The following AOX1 variants were observed in gnomAD, a reference collection of about 807,000 sequenced individuals.
AOX1 encodes the protein aldehyde oxidase 1.
A neutral mutation model predicts 169.5 loss-of-function variants in AOX1; 153 were observed. That is an observed-to-expected ratio of 0.90 (90% confidence interval 0.79 to 1.03). AOX1 has a LOEUF of 1.03. AOX1 is among the 50% of genes least tolerant of loss of function. AOX1 has a pLI of 0.00. For missense variants in AOX1, 1,656 were observed against 1,663.9 expected (o/e 1.00, Z 0.08); for synonymous variants, 562 against 581.9 (o/e 0.97, Z 0.49).
At chr2:200,680,007 A>C (rs1184681316), downstream of AOX1, among the ~76,000 whole-genome samples, 1 of 152,166 alleles carries the variant, frequency 6.6e-6, no homozygotes, top group Middle Eastern at 3.2e-3. Flanking sequence ...CAAGCCCAAG[A>C]GTTTGAGGCT....
In AOX1 at chr2:200,609,303, A is replaced by C; in HGVS notation, c.1060-18A>C. The C allele has an allele frequency of 6.2e-7, 1 of 1,610,296 alleles. No homozygotes were observed. The highest frequency in any genetic ancestry group is 8.5e-7 in the Non-Finnish European group (1 of 1,176,812). On this transcript the variant is annotated intron_variant, in intron 11 of 34. Coordinates refer to ENST00000374700, the MANE Select transcript of AOX1 (RefSeq NM_001159.4). Reference sequence around the variant, plus strand: ...TTTTATGATTACATAAATGAAAATAACTCATTATTTTTAAAAGTCTTTAGG... The same window carrying C: ...TTTTATGATTACATAAATGAAAATACCTCATTATTTTTAAAAGTCTTTAGG...
At chr2:200,621,680 C>CTCTT (rs1270327009) in intron 18 of AOX1, among the ~76,000 whole-genome samples, 1 of 148,256 alleles carries the variant, frequency 6.7e-6, no homozygotes, top group East Asian at 2.0e-4. Flanking sequence ...CATTCATTCT[C>CTCTT]TCTCTCTCTC....
At chr2:200,657,205 T>TTTTTA (rs10667351) in intron 27 of AOX1, among the ~76,000 whole-genome samples, 3 of 134,362 alleles carry the variant, frequency 2.2e-5, no homozygotes, top group East Asian at 2.1e-4. Flanking sequence ...TTTTTTTTTT[T>TTTTTA]AATTAGCAGG....
At chr2:200,603,893 C>A in intron 7 of AOX1, 124 bp from the exon 8 acceptor site, 1 of 662,356 alleles carries the variant, frequency 1.5e-6, no homozygotes, top group Admixed American at 2.4e-5. Context: ...GGGATTGTGG[C>A]TGGCCAGTGG....
chr2:200,660,125 A>G (rs962902691), intron 29 of AOX1, 56 bp downstream of exon 29: 1 of 1,399,196 alleles, frequency 7.1e-7, no homozygotes, highest in Admixed American at 1.7e-5. Context: ...GTGGGAGGAG[A>G]GCAAGAGCAA....
intron 28 of AOX1, 62 bp downstream of exon 28, chr2:200,659,355 G>T (rs1574959485): frequency 1.4e-5 from 22 of 1,555,686 alleles, no homozygotes; most frequent in Non-Finnish European, 1.9e-5. Flanking sequence ...ACGTGGGTGG[G>T]TGGAGCTCCA....
chr2:200,679,848 G>A (rs1303435729), downstream of AOX1, among the ~76,000 whole-genome samples: 3 of 152,184 alleles, frequency 2.0e-5, no homozygotes, highest in South Asian at 2.1e-4. Context: ...TTGGGAGGCC[G>A]AGGTGGGAGG....
chr2:200,602,400 T>A, intron 6 of AOX1, 55 bp downstream of exon 6: 1 of 1,512,082 alleles, frequency 6.6e-7, no homozygotes, highest in Non-Finnish European at 9.2e-7. Context: ...AACGAAATGG[T>A]AATGGTTGTC....
At chr2:200,603,903 G>T in intron 7 of AOX1, 114 bp from the exon 8 acceptor site, 1 of 706,700 alleles carries the variant, frequency 1.4e-6, no homozygotes, top group Non-Finnish European at 2.5e-6. Flanking sequence ...CTGGCCAGTG[G>T]ACTTTTTTGT....
chr2:200,663,994 T>C (rs2035880066), intron 31 of AOX1, among the ~76,000 whole-genome samples: 1 of 152,244 alleles, frequency 6.6e-6, no homozygotes, highest in South Asian at 2.1e-4. Context: ...TGGTTCTAAT[T>C]CAGACTGGAT....
chr2:200,629,386 G>A (rs1471869849), intron 20 of AOX1, among the ~76,000 whole-genome samples: 2 of 152,184 alleles, frequency 1.3e-5, no homozygotes, highest in African/African-American at 4.8e-5. Flanking sequence ...TGTGAGCAAT[G>A]ATTATTAGAT....
intron 18 of AOX1, 135 bp downstream of exon 18, chr2:200,621,381 A>G (rs976722585): frequency 1.3e-6 from 1 of 791,658 alleles, no homozygotes. Context: ...ATAAAAGTAT[A>G]TTCTAATATT....
chr2:200,676,810 G>C (rs2036106807), intron 4 of AOX1: 9 of 438,438 alleles, frequency 2.1e-5, no homozygotes, highest in South Asian at 1.6e-4. Flanking sequence ...CTGGTTGGAG[G>C]AACACACTCA....
chr2:200,590,585 A>G (rs573013423), intron 1 of AOX1, among the ~76,000 whole-genome samples: 2 of 152,258 alleles, frequency 1.3e-5, no homozygotes, highest in South Asian at 4.1e-4. Context: ...CAACAACAAC[A>G]ACAAAACACA....
intron 24 of AOX1, among the ~76,000 whole-genome samples, chr2:200,642,077 C>T (rs975698882): frequency 6.6e-6 from 1 of 151,888 alleles, no homozygotes; most frequent in African/African-American, 2.4e-5. Flanking sequence ...TGCAGTGAGC[C>T]GAGATTTCAC....
Position 200,611,454 on chromosome 2 carries a change from A to G in AOX1, c.1224A>G (p.Gln408=), listed in dbSNP as rs2034639755. ...SKCPNADLKP[Q]EILVSVNIPY... The stretch of plus-strand genomic sequence containing the variant: ...GCCCTAATGCAGATCTTAAGCCTCA[A>G]GAAATCTTGGTCTCAGTGAACATCC... Residue 408 remains glutamine, a synonymous_variant, in exon 13 of 35, where the codon CAA becomes CAG. Coordinates refer to ENST00000374700, the MANE Select transcript of AOX1 (RefSeq NM_001159.4). 1 of 1,613,932 alleles carries G rather than the reference A, an allele frequency of 6.2e-7. No homozygotes were observed. Among genetic ancestry groups the G allele is most frequent in the African/African-American group, 1.3e-5 (1 of 74,936 alleles).
At chr2:200,595,439 G>A in intron 3 of AOX1, 71 bp downstream of exon 3, 2 of 1,115,592 alleles carry the variant, frequency 1.8e-6, no homozygotes, top group African/African-American at 1.6e-5. Context: ...CCTTCATTTG[G>A]TAAATATATA....
intron 16 of AOX1, among the ~76,000 whole-genome samples, chr2:200,618,842 A>G (rs2034822312): frequency 6.6e-6 from 1 of 152,204 alleles, no homozygotes; most frequent in Non-Finnish European, 1.5e-5. Context: ...CCAAATGTTC[A>G]GAAAGGAAAG....
At chr2:200,676,064 C>T (rs565340421), downstream of AOX1, among the ~76,000 whole-genome samples, 57 of 152,080 alleles carry the variant, frequency 3.7e-4, no homozygotes, top group Admixed American at 5.2e-4. Flanking sequence ...TCTGTACAGA[C>T]GCACAGGAAT....
Sources: allele counts gnomAD v4.1 joint callset (sites outside exome capture counted in the v4.1 genomes callset), GRCh38; gene constraint gnomAD v4.1.1; transcripts MANE v1.5; gene names NCBI Gene and HGNC (gene_info 2026-07-23, HGNC 2026-07-21).